The following CLOCK variants were observed in gnomAD, a reference collection of about 807,000 sequenced individuals.
The protein encoded by CLOCK is clock circadian regulator, also known as circadian locomoter output cycles protein kaput.
In CLOCK, 43 loss-of-function variants were observed where a neutral mutation model predicts 118.4. The observed-to-expected ratio is 0.36, with a 90% confidence interval of 0.28 to 0.47. CLOCK has a LOEUF of 0.47. Among genes scored for constraint, CLOCK ranks in the 20% least tolerant of loss-of-function variants. The pLI is 1.00. For missense variants in CLOCK, 846 were observed against 999.9 expected, an observed-to-expected ratio of 0.85 and a Z score of 2.08; for synonymous variants, 326 against 339.2, an observed-to-expected ratio of 0.96 and a Z score of 0.43.
chr4:55,509,442 T>C (rs12508367), intron 2 of CLOCK, among the ~76,000 whole-genome samples: 46,284 of 152,138 alleles, frequency 0.3, 7,653 homozygotes, highest in East Asian at 0.58. Context: ...TCATGAGTCA[T>C]ACCAAAGCAG....
At chr4:55,520,098 G>A (rs1469811472) in intron 1 of CLOCK, among the ~76,000 whole-genome samples, 1 of 152,174 alleles carries the variant, frequency 6.6e-6, no homozygotes, top group African/African-American at 2.4e-5. Flanking sequence ...TAGTCTCCCT[G>A]AAGTCAACAG....
intron 4 of CLOCK, among the ~76,000 whole-genome samples, chr4:55,481,400 C>T (rs1008087525): frequency 1.3e-5 from 2 of 152,124 alleles, no homozygotes; most frequent in African/African-American, 4.8e-5. Context: ...AATGTCATCC[C>T]TAGGTGTCAT....
At chr4:55,438,649 G>GT (rs1324809929) in intron 21 of CLOCK, 112 bp from the exon 22 acceptor site, 1 of 1,493,722 alleles carries the variant, frequency 6.7e-7, no homozygotes, top group East Asian at 2.3e-5. Context: ...TTGCCAGTTT[G>GT]TTTTTCAAGG....
At chr4:55,540,007 ATTTTT>A (rs57907284) in intron 1 of CLOCK, among the ~76,000 whole-genome samples, 1 of 135,984 alleles carries the variant, frequency 7.4e-6, no homozygotes. Context: ...AATGATATTA[ATTTTT>A]TTTTTTTTTT....
intron 3 of CLOCK, among the ~76,000 whole-genome samples, chr4:55,483,315 T>C (rs886152965): frequency 6.6e-6 from 1 of 152,066 alleles, no homozygotes; most frequent in Non-Finnish European, 1.5e-5. Context: ...TGAAGGTATA[T>C]ACTGTGTAAT....
intron 3 of CLOCK, among the ~76,000 whole-genome samples, chr4:55,485,337 G>A (rs1727229539): frequency 6.6e-6 from 1 of 152,102 alleles, no homozygotes. Context: ...TTTACTTAAG[G>A]GAAAGGAGTA....
intron 8 of CLOCK, among the ~76,000 whole-genome samples, chr4:55,464,253 T>C (rs1725575003): frequency 6.6e-6 from 1 of 152,206 alleles, no homozygotes; most frequent in Non-Finnish European, 1.5e-5. Flanking sequence ...ATTTCATCTT[T>C]TCCTGGCATT....
rs1278295528 is a variant in CLOCK at position 55,431,367 on chromosome 4, ATATAT to A, written c.*4043_*4047del. ...GGGTTCCTATTATAGTTATATACAA[ATATAT>A]TAAATATACTATAAAAATAGTCGAT... On this transcript the variant is annotated 3_prime_UTR_variant, in exon 23 of 23. Coordinates refer to ENST00000513440, the MANE Select transcript of CLOCK (RefSeq NM_004898.4). The A allele has an allele frequency of 2.0e-5, 3 of 152,226 alleles. No homozygotes were observed. Among genetic ancestry groups the A allele is most frequent in the Non-Finnish European group, 2.9e-5 (2 of 68,036 alleles). The allele number at this position is 152,226 out of a possible 1,614,324, so 9.4% of individuals were successfully genotyped here.
chr4:55,464,166 C>T (rs1418662141), intron 8 of CLOCK, among the ~76,000 whole-genome samples: 1 of 152,188 alleles, frequency 6.6e-6, no homozygotes, highest in Non-Finnish European at 1.5e-5. Flanking sequence ...GTATATCCTA[C>T]TATAAAGGAC....
intron 2 of CLOCK, among the ~76,000 whole-genome samples, chr4:55,490,691 T>C (rs948093214): frequency 7.9e-5 from 12 of 152,182 alleles, no homozygotes; most frequent in African/African-American, 2.9e-4. Flanking sequence ...ACAATGTAAA[T>C]GTGATGTAAA....
intron 9 of CLOCK, among the ~76,000 whole-genome samples, chr4:55,461,336 T>C (rs1256814666): frequency 2.0e-5 from 3 of 152,084 alleles, no homozygotes; most frequent in Non-Finnish European, 2.9e-5. Context: ...CCAAACCAGA[T>C]GACGAAAGTG....
At position 55,448,687 on chromosome 4, in the gene CLOCK, G is replaced by T. The variant is rs549629000; in HGVS notation, c.1539+92C>A. On this transcript the variant is annotated intron_variant, in intron 18 of 22. Coordinates refer to ENST00000513440, the MANE Select transcript of CLOCK (RefSeq NM_004898.4). ...CAAGTAGCTGTGGCTACAGGTGCTT[G>T]CCAGCAAGCCTGGATTTTTAAAAAA... The T allele has an allele frequency of 5.6e-5, 53 of 946,814 alleles. No individual in the cohort carries two copies. In the South Asian group the frequency reaches 7.0e-4, roughly 13 times the overall value. 58.7% of individuals were successfully genotyped at this position (946,814 alleles called of 1,614,324 possible).
intron 1 of CLOCK, among the ~76,000 whole-genome samples, chr4:55,539,075 A>G (rs1731086062): frequency 1.3e-5 from 2 of 152,042 alleles, no homozygotes; most frequent in South Asian, 4.1e-4. Flanking sequence ...TCTACTAAAA[A>G]TACAAAAAAT....
Position 55,453,435 on chromosome 4 carries a change from T to C in CLOCK, c.1130+242A>G, listed in dbSNP as rs143664273. 5.2e-3 allele frequency: 2,536 copies of C among 485,256 alleles called. 51 individuals are homozygous for C. Among genetic ancestry groups the C allele is most frequent in the African/African-American group, 0.043 (2,220 of 51,668 alleles). 30.1% of individuals were successfully genotyped at this position (485,256 alleles called of 1,614,324 possible). On this transcript the variant is annotated intron_variant, in intron 14 of 22. Coordinates refer to ENST00000513440, the MANE Select transcript of CLOCK (RefSeq NM_004898.4). ...CTTTTACATGACTGACATTACTACA[T>C]AAATGACAGTAACAACTTCTGCTGT...
chr4:55,510,392 C>T (rs549817297), intron 1 of CLOCK, among the ~76,000 whole-genome samples: 44 of 152,146 alleles, frequency 2.9e-4, no homozygotes, highest in Non-Finnish European at 5.9e-5. Flanking sequence ...TTTGGGAGGC[C>T]GAGGCAGGCA....
At chr4:55,475,096 G>A (rs1472174267) in intron 7 of CLOCK, among the ~76,000 whole-genome samples, 1 of 152,156 alleles carries the variant, frequency 6.6e-6, no homozygotes. Flanking sequence ...CCGTCTAGAT[G>A]GCATGAGAAG....
In CLOCK at chr4:55,456,244, T is replaced by C; in HGVS notation, c.849A>G (p.Glu283=). Residue 283 remains glutamate (E), a synonymous_variant, in exon 12 of 23, where the codon GAA becomes GAG. Coordinates refer to ENST00000513440, the MANE Select transcript of CLOCK (RefSeq NM_004898.4). ...NEEFTSRHSL[E]WKFLFLDHRA... ...TGTGATCTAGAAACAGAAACTTCCA[T>C]TCTAAACTATGTCTAGATGTAAACT... The C allele has an allele frequency of 6.2e-7, 1 of 1,603,558 alleles. No homozygotes were observed. The highest frequency in any genetic ancestry group is 1.1e-5 in the South Asian group (1 of 90,218).
chr4:55,532,949 A>G (rs545970208), intron 1 of CLOCK, among the ~76,000 whole-genome samples: 1 of 152,298 alleles, frequency 6.6e-6, no homozygotes, highest in South Asian at 2.1e-4. Context: ...ACTACAAAAC[A>G]TCGCTAAAAG....
intron 20 of CLOCK, 53 bp from the exon 21 acceptor site, chr4:55,442,687 G>T: frequency 7.0e-7 from 1 of 1,438,542 alleles, no homozygotes; most frequent in Non-Finnish European, 9.7e-7. Flanking sequence ...TAATTATTTG[G>T]GAAGTATGCT....
Sources: allele counts gnomAD v4.1 joint callset (sites outside exome capture counted in the v4.1 genomes callset), GRCh38; gene constraint gnomAD v4.1.1; transcripts MANE v1.5; gene names NCBI Gene and HGNC (gene_info 2026-07-23, HGNC 2026-07-21).